The following CRTAC1 variants were observed in gnomAD, a reference collection of about 807,000 sequenced individuals.
CRTAC1 encodes the protein cartilage acidic protein 1.
CRTAC1 carries 37 observed loss-of-function variants against 67.8 expected under a neutral mutation model. That is an observed-to-expected ratio of 0.55 (90% CI 0.42 to 0.72). The LOEUF is 0.72. Among genes scored for constraint, CRTAC1 ranks in the 30% least tolerant of loss-of-function variants. The pLI is 0.00. For synonymous variants in CRTAC1, 348 were observed against 371.0 expected (o/e 0.94, Z 0.71); for missense variants, 780 against 931.6 (o/e 0.84, Z 2.12).
Position 97,974,123 on chromosome 10 carries a change from T to C in CRTAC1, c.224+37015A>G, listed in dbSNP as rs142285295. On this transcript the variant is annotated intron_variant, in intron 2 of 14. Transcript: ENST00000370597. ...TAAAGGATGGGCGCTGCATGCTGTG[T>C]TGTGTGCAGGAGATATTTTTGCATG... 7.4e-4 allele frequency among the ~76,000 whole-genome samples: 113 copies of C among 152,280 alleles called. No homozygotes were observed. In the East Asian group the frequency reaches 0.019, roughly 26 times the overall value.
At chr10:98,013,078 G>A (rs1430480131) in intron 1 of CRTAC1, among the ~76,000 whole-genome samples, 1 of 152,148 alleles carries the variant, frequency 6.6e-6, no homozygotes, top group African/African-American at 2.4e-5. Context: ...AACCAGTGTC[G>A]ACATGCCGAA....
chr10:98,007,426 T>A (rs1842812825), intron 2 of CRTAC1, among the ~76,000 whole-genome samples: 1 of 152,226 alleles, frequency 6.6e-6, no homozygotes, highest in Admixed American at 6.5e-5. Context: ...TTGGAATGTA[T>A]TTTGGTACTC....
At chr10:97,907,455 G>A (rs1482702222) in intron 6 of CRTAC1, among the ~76,000 whole-genome samples, 1 of 152,052 alleles carries the variant, frequency 6.6e-6, no homozygotes, top group African/African-American at 2.4e-5. Context: ...ACAGCTGGGG[G>A]CCTGGGGCAC....
At chr10:97,923,442 A>AGG in intron 3 of CRTAC1, 42 bp from the exon 4 acceptor site, 1 of 1,613,054 alleles carries the variant, frequency 6.2e-7, no homozygotes, top group Non-Finnish European at 8.5e-7. Flanking sequence ...ACAGTGGATC[A>AGG]GGGTCTTGGT....
At chr10:97,964,501 T>C (rs1346134345) in intron 2 of CRTAC1, among the ~76,000 whole-genome samples, 1 of 152,124 alleles carries the variant, frequency 6.6e-6, no homozygotes, top group East Asian at 1.9e-4. Context: ...AAAACACTCA[T>C]AGGAGAAAAG....
chr10:98,029,547 T>A lies in CRTAC1; in HGVS notation c.24+902A>T, dbSNP rs901476694. Among the ~76,000 whole-genome samples, 10 of 137,966 alleles carry A rather than the reference T, an allele frequency of 7.2e-5. No individual in the cohort carries two copies. Among genetic ancestry groups the A allele is most frequent in the African/African-American group, 2.1e-4 (8 of 38,656 alleles). 90.5% of individuals were successfully genotyped at this position (137,966 alleles called of 152,430 possible). The stretch of plus-strand genomic sequence containing the variant: ...GCGGCGGCAGCAGCAGCAATATTCA[T>A]TAGTCATTCCTGGAGGAAGCCCCCC... On this transcript the variant is annotated intron_variant, in intron 1 of 14. Coordinates refer to ENST00000370597, the MANE Select transcript of CRTAC1 (RefSeq NM_018058.7). This position sits in a 1 kb window ranked among gnomAD's most constrained non-coding sequence, Gnocchi z 4.7.
chr10:97,891,769 C>A (rs947519132), intron 11 of CRTAC1, among the ~76,000 whole-genome samples: 1 of 152,206 alleles, frequency 6.6e-6, no homozygotes. Context: ...GCTCCCCCAT[C>A]GGTCAGGAAG....
At position 97,895,453 on chromosome 10, in the gene CRTAC1, G is replaced by A; in HGVS notation, c.1318-40C>T. 1.9e-6 allele frequency: 3 copies of A among 1,544,166 alleles called. No individual in the cohort carries two copies. The highest frequency in any genetic ancestry group is 1.7e-6 in the Non-Finnish European group (2 of 1,146,592). On this transcript the variant is annotated intron_variant, in intron 10 of 14. Coordinates refer to ENST00000370597, the MANE Select transcript of CRTAC1 (RefSeq NM_018058.7). This position sits in a 1 kb window ranked among gnomAD's most constrained non-coding sequence, Gnocchi z 4.2. ...AGAGGCAGACACCCGGTGGGCATCA[G>A]CATGGTGGGTGGGAAGAGCAGGGAG...
chr10:97,993,343 C>T (rs964305345), intron 2 of CRTAC1, among the ~76,000 whole-genome samples: 4 of 152,198 alleles, frequency 2.6e-5, no homozygotes, highest in Non-Finnish European at 5.9e-5. Context: ...ATGACTACAA[C>T]CTTATATGAA....
chr10:97,991,514 T>G (rs1842456491), intron 2 of CRTAC1, among the ~76,000 whole-genome samples: 1 of 152,106 alleles, frequency 6.6e-6, no homozygotes, highest in South Asian at 2.1e-4. Flanking sequence ...AGAGACACAT[T>G]TCTAAGACAA....
intron 4 of CRTAC1, among the ~76,000 whole-genome samples, chr10:97,921,874 G>T (rs918258201): frequency 6.6e-6 from 1 of 151,120 alleles, no homozygotes; most frequent in Non-Finnish European, 1.5e-5. Flanking sequence ...CTGGACGCCT[G>T]CCTCCTGTGC....
chr10:98,027,282 G>A (rs181318791), intron 1 of CRTAC1, among the ~76,000 whole-genome samples: 1 of 152,266 alleles, frequency 6.6e-6, no homozygotes, highest in East Asian at 1.9e-4. Flanking sequence ...AAAGGGCAAT[G>A]GAAATGGTAG....
chr10:97,894,861 C>T (rs1020707394), intron 11 of CRTAC1, among the ~76,000 whole-genome samples: 1 of 149,590 alleles, frequency 6.7e-6, no homozygotes, highest in Non-Finnish European at 1.5e-5. Context: ...TTTCCCAAGC[C>T]TTCTGTCCAA....
intron 5 of CRTAC1, among the ~76,000 whole-genome samples, chr10:97,910,013 T>C (rs968472279): frequency 1.3e-5 from 2 of 150,282 alleles, no homozygotes; most frequent in African/African-American, 4.9e-5. Context: ...GTTGAACTCA[T>C]AGAAGAAGAG....
chr10:97,971,086 T>C (rs2051703883), intron 2 of CRTAC1, among the ~76,000 whole-genome samples: 1 of 152,214 alleles, frequency 6.6e-6, no homozygotes, highest in South Asian at 2.1e-4. Context: ...CAAATAATAA[T>C]ATCCAATGCT....
At position 98,001,475 on chromosome 10, in the gene CRTAC1, C is replaced by A. The variant is rs189466454; in HGVS notation, c.224+9663G>T. ...TACCATGATATTACGTGTCTCTAGGCAAGGAAGAACTCTGCCAGTTAAATG... is the reference window on the plus strand; with the variant it reads ...TACCATGATATTACGTGTCTCTAGGAAAGGAAGAACTCTGCCAGTTAAATG... On this transcript the variant is annotated intron_variant, in intron 2 of 14. Coordinates refer to ENST00000370597, the MANE Select transcript of CRTAC1 (RefSeq NM_018058.7). Among the ~76,000 whole-genome samples, 10 of 151,754 alleles carry A rather than the reference C, an allele frequency of 6.6e-5. No individual in the cohort carries two copies. The East Asian group carries it at 1.7e-3, about 26-fold the overall frequency.
chr10:97,876,223 C>A (rs1281291031), intron 14 of CRTAC1, among the ~76,000 whole-genome samples: 1 of 152,156 alleles, frequency 6.6e-6, no homozygotes, highest in Non-Finnish European at 1.5e-5. Flanking sequence ...GGGATCCAGT[C>A]CTGCCTTCGT....
intron 2 of CRTAC1, among the ~76,000 whole-genome samples, chr10:98,008,201 C>T (rs1021544458): frequency 5.3e-5 from 8 of 152,164 alleles, no homozygotes; most frequent in East Asian, 1.9e-4. Context: ...TTCTGTTCTT[C>T]GCAGCTGAAA....
chr10:97,889,321 G>A (rs1021009279), intron 11 of CRTAC1, among the ~76,000 whole-genome samples: 3 of 152,082 alleles, frequency 2.0e-5, no homozygotes, highest in Non-Finnish European at 4.4e-5. Context: ...GGTGGGTTCC[G>A]AGCAACCAGG....
Sources: allele counts gnomAD v4.1 joint callset (sites outside exome capture counted in the v4.1 genomes callset), GRCh38; gene constraint gnomAD v4.1.1; non-coding constraint Gnocchi (gnomAD v3.1); transcripts MANE v1.5; gene names NCBI Gene and HGNC (gene_info 2026-07-23, HGNC 2026-07-21).